ZBTB38: variants seen among roughly 807,000 people sequenced by gnomAD.
The protein encoded by ZBTB38 is zinc finger and BTB domain-containing protein 38.
ZBTB38 carries 20 observed loss-of-function variants against 76.8 expected under a neutral mutation model. The observed-to-expected ratio is 0.26, with a 90% confidence interval of 0.18 to 0.38. ZBTB38 has a LOEUF of 0.38. ZBTB38 is among the 10% of genes least tolerant of loss of function. ZBTB38 has a pLI of 1.00. For synonymous variants in ZBTB38, 504 were observed against 544.2 expected (o/e 0.93, Z 1.03); for missense variants, 1,082 against 1,482.3 (o/e 0.73, Z 4.43).
intron 5 of ZBTB38, among the ~76,000 whole-genome samples, chr3:141,440,999 A>C (rs1352468530): frequency 6.8e-6 from 1 of 147,698 alleles, no homozygotes; most frequent in Admixed American, 7.0e-5. Context: ...ATGCCATTGC[A>C]CTCCAGCCTG....
chr3:141,371,045 C>CTTTCTTTTTTTTT (rs1944498561), intron 2 of ZBTB38, among the ~76,000 whole-genome samples: 6 of 72,008 alleles, frequency 8.3e-5, no homozygotes, highest in African/African-American at 1.6e-4. Context: ...TTCTTTCTTT[C>CTTTCTTTTTTTTT]TTTTTTTTTT....
At position 141,413,981 on chromosome 3, in the gene ZBTB38, ACT is replaced by A. The variant is rs1316213495; in HGVS notation, c.-1+9953_-1+9954del. Among the ~76,000 whole-genome samples, 1 of 152,146 alleles carries A rather than the reference ACT, an allele frequency of 6.6e-6. No homozygotes were observed. Among genetic ancestry groups the A allele is most frequent in the Non-Finnish European group, 1.5e-5 (1 of 68,024 alleles). On this transcript the variant is annotated intron_variant, in intron 5 of 5. Coordinates refer to ENST00000321464, the MANE Select transcript of ZBTB38 (RefSeq NM_001376113.1). This position sits in a 1 kb window ranked among gnomAD's most constrained non-coding sequence, Gnocchi z 4.1. ...CACCTGTTCTTCATTAGGACGGAGC[ACT>A]CTGAGAGTTTTGAAAACTTGAATAC... is the stretch of plus-strand genomic sequence containing the variant.
At chr3:141,404,920 C>T (rs1403570668) in intron 5 of ZBTB38, among the ~76,000 whole-genome samples, 1 of 152,198 alleles carries the variant, frequency 6.6e-6, no homozygotes, top group African/African-American at 2.4e-5. Context: ...ACCTTCTTCC[C>T]CTGCTTCTCC....
intron 1 of ZBTB38, among the ~76,000 whole-genome samples, chr3:141,326,036 C>G (rs548145729): frequency 6.6e-6 from 1 of 152,056 alleles, no homozygotes; most frequent in Non-Finnish European, 1.5e-5. Context: ...AAAAAAGTAA[C>G]AACATTTTTT....
At chr3:141,415,301 A>T (rs1459668280) in intron 5 of ZBTB38, among the ~76,000 whole-genome samples, 2 of 152,112 alleles carry the variant, frequency 1.3e-5, no homozygotes, top group Non-Finnish European at 2.9e-5. Context: ...TTATAAGTCA[A>T]GTTGTAGGGC....
At chr3:141,405,336 T>C (rs997926904) in intron 5 of ZBTB38, among the ~76,000 whole-genome samples, 4 of 152,242 alleles carry the variant, frequency 2.6e-5, no homozygotes, top group Non-Finnish European at 4.4e-5. Context: ...GGAAAGCCAT[T>C]TAAAATGTCT....
intron 4 of ZBTB38, among the ~76,000 whole-genome samples, chr3:141,396,814 G>A (rs766620479): frequency 2.0e-5 from 3 of 152,166 alleles, no homozygotes; most frequent in South Asian, 2.1e-4. Context: ...TATTTTGAAA[G>A]AAATCTTTTC....
intron 4 of ZBTB38, among the ~76,000 whole-genome samples, chr3:141,401,006 T>C (rs1025519843): frequency 2.6e-5 from 4 of 152,246 alleles, no homozygotes; most frequent in African/African-American, 7.2e-5. Flanking sequence ...CTAATCCATG[T>C]GCCTCAGTTT....
At position 141,413,252 on chromosome 3, in the gene ZBTB38, A is replaced by C. The variant is rs1339009478; in HGVS notation, c.-1+9221A>C. Among the ~76,000 whole-genome samples the C allele has an allele frequency of 1.3e-5, 2 of 152,202 alleles. No individual in the cohort carries two copies. The highest frequency in any genetic ancestry group is 2.9e-5 in the Non-Finnish European group (2 of 68,032). ...AGTGGGGAGGAGGTGGGGAAGACCC[A>C]GCCGGCCGAGAGCCTCAGCCACCTT... On this transcript the variant is annotated intron_variant, in intron 5 of 5. Coordinates refer to ENST00000321464, the MANE Select transcript of ZBTB38 (RefSeq NM_001376113.1). This position sits in a 1 kb window ranked among gnomAD's most constrained non-coding sequence, Gnocchi z 4.1.
intron 4 of ZBTB38, chr3:141,394,263 GC>G (rs1409417077): frequency 6.6e-6 from 1 of 152,134 alleles, no homozygotes; most frequent in Non-Finnish European, 1.5e-5. Flanking sequence ...CGATCCGCCC[GC>G]CTCAGCCTCC....
chr3:141,345,779 A>G (rs1328795365), intron 1 of ZBTB38, among the ~76,000 whole-genome samples: 5 of 151,832 alleles, frequency 3.3e-5, no homozygotes, highest in Non-Finnish European at 7.4e-5. Flanking sequence ...ATAGGTTCCA[A>G]TGCTAGTTTC....
At chr3:141,407,278 G>A (rs1051979163) in intron 5 of ZBTB38, among the ~76,000 whole-genome samples, 3 of 152,200 alleles carry the variant, frequency 2.0e-5, no homozygotes, top group African/African-American at 7.2e-5. Context: ...GGAGACCGGG[G>A]TCAGATAAAT....
chr3:141,426,368 A>G (rs1488668631), intron 5 of ZBTB38, among the ~76,000 whole-genome samples: 1 of 152,224 alleles, frequency 6.6e-6, no homozygotes, highest in Non-Finnish European at 1.5e-5. Flanking sequence ...TCTGAGAACA[A>G]CCGTTATAAG....
chr3:141,337,495 G>A (rs1943049782), intron 1 of ZBTB38, among the ~76,000 whole-genome samples: 2 of 152,206 alleles, frequency 1.3e-5, no homozygotes, highest in South Asian at 4.1e-4. Context: ...ACAAAGCAGT[G>A]GCCTGACTTG....
chr3:141,335,349 T>A (rs1942984841), intron 1 of ZBTB38, among the ~76,000 whole-genome samples: 1 of 152,232 alleles, frequency 6.6e-6, no homozygotes, highest in Non-Finnish European at 1.5e-5. Flanking sequence ...TAGAGTCCCA[T>A]GCCTATTATC....
chr3:141,348,553 A>T (rs1193832403), intron 1 of ZBTB38, among the ~76,000 whole-genome samples: 1 of 152,236 alleles, frequency 6.6e-6, no homozygotes, highest in African/African-American at 2.4e-5. Flanking sequence ...GGAATGCATT[A>T]GTAGAATATC....
At chr3:141,345,416 C>G (rs1943321741) in intron 1 of ZBTB38, among the ~76,000 whole-genome samples, 1 of 152,094 alleles carries the variant, frequency 6.6e-6, no homozygotes, top group Non-Finnish European at 1.5e-5. Context: ...CAGGTGAGCT[C>G]TGGCCCATGG....
rs763251070 is a variant in ZBTB38 at position 141,443,729 on chromosome 3, G to A, written c.1341G>A (p.Thr447=). 56 of 1,613,774 alleles carry A rather than the reference G, an allele frequency of 3.5e-5. No individual in the cohort carries two copies. Among genetic ancestry groups the A allele is most frequent in the Non-Finnish European group, 4.1e-5 (48 of 1,180,036 alleles). Residue 447 remains threonine (T), a synonymous_variant, in exon 6 of 6, where the codon ACG becomes ACA. Coordinates refer to ENST00000321464, the MANE Select transcript of ZBTB38 (RefSeq NM_001376113.1). This position sits in a 1 kb window ranked among gnomAD's most constrained non-coding sequence, Gnocchi z 5.6. ...GTACCGGAAGTACTTTGCCAGACACGGACCACATGGTTAAATTTGTTAATG... is the reference window on the plus strand; with the variant it reads ...GTACCGGAAGTACTTTGCCAGACACAGACCACATGGTTAAATTTGTTAATG... ...FSSTGSTLPD[T]DHMVKFVNGQ... is the part of the protein sequence containing the mutation.
intron 5 of ZBTB38, among the ~76,000 whole-genome samples, chr3:141,424,595 A>C (rs931214490): frequency 6.6e-6 from 1 of 152,180 alleles, no homozygotes; most frequent in Non-Finnish European, 1.5e-5. Flanking sequence ...GCAGCTAAAG[A>C]AAGAAAATTA....
Sources: allele counts gnomAD v4.1 joint callset (sites outside exome capture counted in the v4.1 genomes callset), GRCh38; gene constraint gnomAD v4.1.1; non-coding constraint Gnocchi (gnomAD v3.1); transcripts MANE v1.5; gene names NCBI Gene and HGNC (gene_info 2026-07-23, HGNC 2026-07-21).